Variants in PALM2AKAP2 observed in about 807,000 individuals in gnomAD.
PALM2AKAP2 encodes the protein PALM2-AKAP2 fusion protein.
A neutral mutation model predicts 71.5 loss-of-function variants in PALM2AKAP2; 37 were observed. That is an observed-to-expected ratio of 0.52 (90% CI 0.40 to 0.68). The LOEUF (loss-of-function observed/expected upper bound fraction) is 0.68, where lower values mean the gene tolerates loss of function less well. Ranked by LOEUF, PALM2AKAP2 falls within the 30% of genes least tolerant of loss-of-function variation. The pLI is 0.00. For synonymous variants in PALM2AKAP2, 468 were observed against 478.8 expected, an observed-to-expected ratio of 0.98 and a Z score of 0.29; for missense variants, 1,224 against 1,191.8, an observed-to-expected ratio of 1.03 and a Z score of -0.40.
At chr9:109,891,630 A>G (rs1341925727) in intron 3 of PALM2AKAP2, among the ~76,000 whole-genome samples, 1 of 152,136 alleles carries the variant, frequency 6.6e-6, no homozygotes, top group African/African-American at 2.4e-5. Context: ...AATTGGGATT[A>G]CAGGCACCCG....
chr9:109,803,393 G>A (rs1020000964), intron 1 of PALM2AKAP2, among the ~76,000 whole-genome samples: 3 of 152,224 alleles, frequency 2.0e-5, no homozygotes, highest in Admixed American at 6.5e-5. Flanking sequence ...GGTAGGCACC[G>A]CCTGTTGAAT....
At chr9:109,803,697 C>CGA (rs1827496730) in intron 1 of PALM2AKAP2, among the ~76,000 whole-genome samples, 1 of 152,230 alleles carries the variant, frequency 6.6e-6, no homozygotes, top group South Asian at 2.1e-4. Flanking sequence ...TTAGCATCAA[C>CGA]ACAAGTGGGC....
chr9:109,792,618 C>T (rs1827146534), intron 1 of PALM2AKAP2, among the ~76,000 whole-genome samples: 1 of 152,020 alleles, frequency 6.6e-6, no homozygotes, highest in African/African-American at 2.4e-5. Context: ...ACTTTGAAGA[C>T]CCTAAAAATC....
At chr9:110,154,964 G>T (rs187454701) in intron 2 of PALM2AKAP2, among the ~76,000 whole-genome samples, 1 of 152,212 alleles carries the variant, frequency 6.6e-6, no homozygotes, top group Non-Finnish European at 1.5e-5. Context: ...ATCAGCCCAC[G>T]ATTGAAATGG....
chr9:110,018,238 C>G (rs1344951771), intron 7 of PALM2AKAP2, among the ~76,000 whole-genome samples: 2 of 152,156 alleles, frequency 1.3e-5, no homozygotes, highest in Non-Finnish European at 2.9e-5. Context: ...TACCCCTGCC[C>G]TACCCCAGGA....
intron 1 of PALM2AKAP2, among the ~76,000 whole-genome samples, chr9:110,079,512 T>A (rs1018237982): frequency 1.3e-5 from 2 of 151,518 alleles, no homozygotes; most frequent in African/African-American, 4.8e-5. Context: ...GAAAAAAAAA[T>A]CTTCAAGTTG....
rs1835934015 is a variant in PALM2AKAP2, at chr9:110,138,019, C to A, written c.2049C>A (p.Ser683Arg). 3.7e-6 allele frequency: 6 copies of A among 1,613,878 alleles called. No homozygotes were observed. The Middle Eastern group carries it at 9.9e-4, about 266-fold the overall frequency. Reference sequence around the variant, plus strand: ...TGGATAAAGCTGTGTCCAAAACCAGCAGGGATGGAGCAGAGCAACAGGGAC... The same window carrying A: ...TGGATAAAGCTGTGTCCAAAACCAGAAGGGATGGAGCAGAGCAACAGGGAC... The change falls in exon 2 of 4, where the codon AGC becomes AGA. Residue 683 changes from serine (S) to arginine (R), a missense_variant. Ser to Arg is a moderately radical substitution (Grantham distance 110). Transcript: ENST00000374525.
chr9:109,956,904 T>TA (rs1831756904), intron 6 of PALM2AKAP2, among the ~76,000 whole-genome samples: 2 of 151,998 alleles, frequency 1.3e-5, no homozygotes, highest in South Asian at 4.2e-4. Flanking sequence ...TGCATCCTCT[T>TA]AAAAAAAATA....
At chr9:109,780,080 C>T (rs550252416), upstream of PALM2AKAP2, among the ~76,000 whole-genome samples, 1 of 151,258 alleles carries the variant, frequency 6.6e-6, no homozygotes, top group Non-Finnish European at 1.5e-5. Flanking sequence ...GGCGATCGCT[C>T]GGAGCCGCCT....
chr9:109,679,784 C>G (rs1386124881), intron 1 of PALM2AKAP2, among the ~76,000 whole-genome samples: 2 of 152,110 alleles, frequency 1.3e-5, no homozygotes, highest in East Asian at 3.8e-4. Flanking sequence ...GGTAAAGAAA[C>G]TTCTCTGGTT....
At chr9:109,640,835 C>T in exon 1 of PALM2AKAP2, 2 of 1,517,122 alleles carry the variant, frequency 1.3e-6, no homozygotes, top group African/African-American at 1.4e-5. Context: ...AGCCCCGCAG[C>T]AGCGCACCCG....
intron 1 of PALM2AKAP2, among the ~76,000 whole-genome samples, chr9:109,861,170 G>T (rs551318457): frequency 2.6e-4 from 40 of 152,190 alleles, no homozygotes; most frequent in Non-Finnish European, 5.3e-4. Context: ...TACCTTCCCT[G>T]CTTAGCCTCT....
chr9:109,926,263 CA>C (rs1830954436), intron 5 of PALM2AKAP2, among the ~76,000 whole-genome samples: 4 of 152,194 alleles, frequency 2.6e-5, no homozygotes, highest in African/African-American at 9.6e-5. Context: ...AACAAACAAA[CA>C]AACCTGTGAT....
chr9:110,014,295 C>A (rs1014640119), intron 6 of PALM2AKAP2, among the ~76,000 whole-genome samples: 2 of 151,930 alleles, frequency 1.3e-5, no homozygotes, highest in Non-Finnish European at 2.9e-5. Flanking sequence ...TAATTTTAAC[C>A]TCCTTAAGAA....
At chr9:109,686,916 G>A (rs1439225463) in intron 1 of PALM2AKAP2, among the ~76,000 whole-genome samples, 1 of 150,598 alleles carries the variant, frequency 6.6e-6, no homozygotes, top group African/African-American at 2.4e-5. Context: ...CTATGAGTGA[G>A]AATATGCAGT....
chr9:109,799,345 T>C (rs1314297274), intron 1 of PALM2AKAP2, among the ~76,000 whole-genome samples: 3 of 152,192 alleles, frequency 2.0e-5, no homozygotes, highest in Non-Finnish European at 4.4e-5. Flanking sequence ...ACCTGTGGTT[T>C]ATCAGAGACT....
chr9:110,053,547 A>G (rs1013081072), intron 1 of PALM2AKAP2, among the ~76,000 whole-genome samples: 49 of 149,542 alleles, frequency 3.3e-4, no homozygotes, highest in South Asian at 1.5e-3. Flanking sequence ...AAAAAAAAAA[A>G]AGAAAAAAAG....
rs997625745 is a variant in PALM2AKAP2 at position 110,133,970 on chromosome 9, C to A, written c.157-2157C>A. Among the ~76,000 whole-genome samples, 5 of 152,122 alleles carry A rather than the reference C, an allele frequency of 3.3e-5. No homozygotes were observed. The East Asian group carries it at 9.6e-4, about 29-fold the overall frequency. On this transcript the variant is annotated intron_variant, in intron 1 of 3. Coordinates refer to ENST00000374525, the Ensembl canonical transcript of PALM2AKAP2. ...TAGAAGTTACTGACAATGTCTCATC[C>A]AACAAAAAGTTTAGTTAATAGTTTT...
At chr9:109,942,058 G>A (rs1047123056) in intron 6 of PALM2AKAP2, among the ~76,000 whole-genome samples, 8 of 152,220 alleles carry the variant, frequency 5.3e-5, no homozygotes, top group African/African-American at 2.4e-5. Flanking sequence ...CCTATGTGAT[G>A]TTACTTCTGT....
Sources: allele counts gnomAD v4.1 joint callset (sites outside exome capture counted in the v4.1 genomes callset), GRCh38; gene constraint gnomAD v4.1.1; transcripts MANE v1.5; gene names NCBI Gene and HGNC (gene_info 2026-07-23, HGNC 2026-07-21).